Variants in ADARB2 observed in about 807,000 individuals in gnomAD.
ADARB2 encodes the protein adenosine deaminase RNA specific B2 (inactive), also known as inactive double-stranded RNA-specific editase B2.
In ADARB2, 25 loss-of-function variants were observed where a neutral mutation model predicts 62.2. The ratio of observed to expected loss-of-function variants is 0.40; its 90% CI spans 0.29 to 0.56. The LOEUF is 0.56. Ranked by LOEUF, ADARB2 falls within the 20% of genes least tolerant of loss-of-function variation. ADARB2 has a pLI of 0.43. For missense variants in ADARB2, 1,071 were observed against 1,077.4 expected, an observed-to-expected ratio of 0.99 and a Z score of 0.08; for synonymous variants, 572 against 500.8, an observed-to-expected ratio of 1.14 and a Z score of -1.90.
chr10:1,679,173 G>A (rs1245398357), intron 1 of ADARB2, among the ~76,000 whole-genome samples: 2 of 152,196 alleles, frequency 1.3e-5, no homozygotes, highest in African/African-American at 2.4e-5. Context: ...AGAGAGAAAA[G>A]GCATCGAGGA....
chr10:1,665,613 G>A (rs964947456), intron 1 of ADARB2, among the ~76,000 whole-genome samples: 3 of 152,266 alleles, frequency 2.0e-5, no homozygotes, highest in African/African-American at 7.2e-5. Context: ...ATGCCAAGAA[G>A]CAATCGTCTA....
At chr10:1,511,613 T>C (rs1271015445) in intron 1 of ADARB2, among the ~76,000 whole-genome samples, 2 of 152,076 alleles carry the variant, frequency 1.3e-5, no homozygotes, top group African/African-American at 4.8e-5. Context: ...TTAATGCCAC[T>C]ACACTGGATA....
intron 1 of ADARB2, among the ~76,000 whole-genome samples, chr10:1,720,249 T>A (rs1588366081): frequency 6.6e-6 from 1 of 152,182 alleles, no homozygotes; most frequent in East Asian, 1.9e-4. Context: ...CTAGAGGCTG[T>A]TACCCTGAGA....
rs969341394 is a variant in ADARB2, at chr10:1,179,650, T to C, written c.*3543A>G. 2 of 152,100 alleles carry C rather than the reference T, an allele frequency of 1.3e-5. No homozygotes were observed. The highest frequency in any genetic ancestry group is 4.8e-5 in the African/African-American group (2 of 41,418). The allele number at this position is 152,100 out of a possible 1,614,324, so 9.4% of individuals were successfully genotyped here. A position where few individuals can be genotyped will look rare whatever the true frequency, so the allele number is the denominator to read the frequency against. ...GCTGATCTTCCTGATGGGAAAGCAG[T>C]GTGTGTTTTGGAGGCAGATAAAGGT... On this transcript the variant is annotated 3_prime_UTR_variant, in exon 10 of 10. Transcript: ENST00000381312.
chr10:1,506,545 A>G (rs1230160180), intron 1 of ADARB2, among the ~76,000 whole-genome samples: 1 of 152,236 alleles, frequency 6.6e-6, no homozygotes, highest in African/African-American at 2.4e-5. Context: ...AAACTGTAGT[A>G]ATGCTAAGAA....
chr10:1,735,364 G>A (rs1227770112), intron 1 of ADARB2, among the ~76,000 whole-genome samples: 1 of 152,034 alleles, frequency 6.6e-6, no homozygotes, highest in Admixed American at 6.5e-5. Flanking sequence ...CATGACTGAC[G>A]CTTCCTGGCA....
intron 1 of ADARB2, among the ~76,000 whole-genome samples, chr10:1,472,962 G>T (rs1831346022): frequency 1.3e-5 from 2 of 152,116 alleles, no homozygotes; most frequent in South Asian, 4.2e-4. Flanking sequence ...AGATAGAAAT[G>T]CTTGGGACTG....
intron 1 of ADARB2, among the ~76,000 whole-genome samples, chr10:1,624,992 T>C (rs1428681395): frequency 1.3e-5 from 2 of 152,228 alleles, no homozygotes; most frequent in Admixed American, 1.3e-4. Context: ...TATATATATA[T>C]GTAGAAGGCA....
chr10:1,725,831 G>A (rs1564205681), intron 1 of ADARB2, among the ~76,000 whole-genome samples: 1 of 152,222 alleles, frequency 6.6e-6, no homozygotes. Flanking sequence ...AGCTCATCCC[G>A]AACCGAAGGA....
At chr10:1,207,424 A>G (rs1837083741) in intron 7 of ADARB2, among the ~76,000 whole-genome samples, 1 of 152,134 alleles carries the variant, frequency 6.6e-6, no homozygotes, top group Admixed American at 6.5e-5. Flanking sequence ...TTCGGTGTTT[A>G]AAAGCAGTTC....
chr10:1,712,424 A>G (rs1348668897), intron 1 of ADARB2, among the ~76,000 whole-genome samples: 3 of 152,008 alleles, frequency 2.0e-5, no homozygotes, highest in Non-Finnish European at 4.4e-5. Context: ...ATTGCAGAAT[A>G]TACTGCTTTT....
intron 1 of ADARB2, among the ~76,000 whole-genome samples, chr10:1,499,405 T>C (rs1831735514): frequency 6.6e-6 from 1 of 151,684 alleles, no homozygotes; most frequent in Non-Finnish European, 1.5e-5. Flanking sequence ...TCATTACTCA[T>C]TCATCACTCA....
chr10:1,532,749 T>C (rs1381073550), intron 1 of ADARB2, among the ~76,000 whole-genome samples: 1 of 152,200 alleles, frequency 6.6e-6, no homozygotes, highest in Non-Finnish European at 1.5e-5. Context: ...GCCGGGACTC[T>C]TCTCCCAGTG....
chr10:1,610,043 G>C (rs1170657858), intron 1 of ADARB2, among the ~76,000 whole-genome samples: 3 of 121,148 alleles, frequency 2.5e-5, no homozygotes, highest in Admixed American at 2.4e-4. Context: ...GAATTGGATT[G>C]CTGCATTTTT....
intron 1 of ADARB2, among the ~76,000 whole-genome samples, chr10:1,496,109 A>G (rs1373405161): frequency 1.3e-5 from 2 of 151,932 alleles, no homozygotes; most frequent in Non-Finnish European, 1.5e-5. Context: ...CGTCATCACC[A>G]TCATCATCAT....
intron 8 of ADARB2, among the ~76,000 whole-genome samples, chr10:1,191,736 C>T (rs926453608): frequency 1.1e-4 from 16 of 152,066 alleles, no homozygotes; most frequent in Non-Finnish European, 2.2e-4. Context: ...GCTGGTCTCC[C>T]GGAGCCTTTG....
intron 1 of ADARB2, among the ~76,000 whole-genome samples, chr10:1,413,440 G>A (rs1832775743): frequency 6.6e-6 from 1 of 152,160 alleles, no homozygotes; most frequent in Admixed American, 6.5e-5. Context: ...CAAAAAACAT[G>A]TGGGTCCTAA....
chr10:1,551,563 T>C (rs1832622869), intron 1 of ADARB2, among the ~76,000 whole-genome samples: 4 of 152,308 alleles, frequency 2.6e-5, no homozygotes, highest in African/African-American at 7.2e-5. Context: ...CATCCCTCTA[T>C]TGTAGAACTG....
chr10:1,285,061 C>G (rs1047638486), intron 3 of ADARB2, among the ~76,000 whole-genome samples: 1 of 152,040 alleles, frequency 6.6e-6, no homozygotes, highest in Non-Finnish European at 1.5e-5. Context: ...AAGCCCTGCA[C>G]AGAGAGACTC....
Sources: allele counts gnomAD v4.1 joint callset (sites outside exome capture counted in the v4.1 genomes callset), GRCh38; gene constraint gnomAD v4.1.1; transcripts MANE v1.5; gene names NCBI Gene and HGNC (gene_info 2026-07-23, HGNC 2026-07-21).